NCBP2: variants seen among roughly 807,000 people sequenced by gnomAD.
NCBP2 encodes the protein nuclear cap-binding protein subunit 2.
Under a neutral mutation model 21.5 loss-of-function variants are expected in NCBP2, and 8 were observed. The ratio of observed to expected loss-of-function variants is 0.37; its 90% confidence interval spans 0.22 to 0.67. The LOEUF (loss-of-function observed/expected upper bound fraction) is 0.67, where lower values mean the gene tolerates loss of function less well. NCBP2 is among the 30% of genes least tolerant of loss of function. The pLI is 0.56. For synonymous variants in NCBP2, 92 were observed against 75.8 expected (o/e 1.21, Z -1.11); for missense variants, 127 against 206.9 (o/e 0.61, Z 2.37).
intron 1 of NCBP2, chr3:196,941,837 C>T: frequency 8.6e-6 from 12 of 1,395,272 alleles, no homozygotes; most frequent in Non-Finnish European, 9.8e-6. Flanking sequence ...ATCTTTACAT[C>T]CGAACACCCT....
At chr3:196,942,070 A>G in intron 1 of NCBP2, 1 of 1,525,106 alleles carries the variant, frequency 6.6e-7, no homozygotes, top group Non-Finnish European at 8.8e-7. Context: ...ACTCTGGGAG[A>G]GAGAAGGGCA....
intron 1 of NCBP2, 72 bp downstream of exon 1, chr3:196,942,354 T>C (rs570270487): frequency 1.1e-5 from 17 of 1,564,646 alleles, no homozygotes; most frequent in African/African-American, 2.7e-5. Flanking sequence ...GGCGACACAA[T>C]GAGACAAGAG....
In NCBP2 at chr3:196,939,474, C is replaced by A. The variant is rs116410462; in HGVS notation, c.79-42G>T. On this transcript the variant is annotated intron_variant, in intron 1 of 3. Transcript: ENST00000321256. ...AGACAAAAGTTAAGCAACTTCAGAG[C>A]CTTGCTTAAATAGTATTTCTAAGTA... 2.9e-6 allele frequency: 4 copies of A among 1,397,064 alleles called. 1 individual carries two copies. In the South Asian group the frequency reaches 3.9e-5, roughly 14 times the overall value. The allele number at this position is 1,397,064 out of a possible 1,614,324, so 86.5% of individuals were successfully genotyped here. A position where few individuals can be genotyped will look rare whatever the true frequency, so the allele number is the denominator to read the frequency against.
chr3:196,940,426 G>C (rs527776439), intron 1 of NCBP2, among the ~76,000 whole-genome samples: 1 of 151,738 alleles, frequency 6.6e-6, no homozygotes, highest in Non-Finnish European at 1.5e-5. Flanking sequence ...AGAGGTTTTC[G>C]GAACTTTGGA....
At chr3:196,939,828 CAG>C (rs370571676) in intron 1 of NCBP2, 2,600 of 163,390 alleles carry the variant, frequency 0.016, 57 homozygotes, top group African/African-American at 0.053. Context: ...AGTGGGTTTT[CAG>C]AGAGAGAGAG....
chr3:196,941,241 T>TGA (rs1716543280), intron 1 of NCBP2: 1 of 152,088 alleles, frequency 6.6e-6, no homozygotes, highest in African/African-American at 2.4e-5. Flanking sequence ...TACAAGCGCC[T>TGA]GCCACCACGC....
At chr3:196,937,875 T>G in intron 2 of NCBP2, 1 of 541,972 alleles carries the variant, frequency 1.8e-6, no homozygotes, top group Non-Finnish European at 3.3e-6. Context: ...TGGACATTCC[T>G]GTTGATAATT....
At position 196,942,313 on chromosome 3, in the gene NCBP2, C is replaced by A. The variant is rs566413787; in HGVS notation, c.78+113G>T. ...CTCGCCAGCAGGCACCGGGGCCCCA[C>A]TTGGCGTTTGCGGATTTCAGCTGAA... is the stretch of plus-strand genomic sequence containing the variant. On this transcript the variant is annotated intron_variant, in intron 1 of 3. Coordinates refer to ENST00000321256, the MANE Select transcript of NCBP2 (RefSeq NM_007362.5). 5.9e-6 allele frequency: 9 copies of A among 1,532,448 alleles called. No individual in the cohort carries two copies. In the Admixed American group the frequency reaches 1.8e-4, roughly 30 times the overall value. 94.9% of individuals were successfully genotyped at this position (1,532,448 alleles called of 1,614,324 possible).
rs1415282711 is a variant in NCBP2 at position 196,935,970 on chromosome 3, T to C, written c.*1041A>G. The C allele has an allele frequency of 6.6e-6, 1 of 152,204 alleles. No homozygotes were observed. Among genetic ancestry groups the C allele is most frequent in the Admixed American group, 6.5e-5 (1 of 15,274 alleles). 9.4% of individuals were successfully genotyped at this position (152,204 alleles called of 1,614,324 possible). On this transcript the variant is annotated 3_prime_UTR_variant, in exon 4 of 4. Transcript: ENST00000321256. The stretch of plus-strand genomic sequence containing the variant: ...AAAGAGGCATCTGCTGCAGGAACCT[T>C]CTGTGACTGTCAAACATTCCCTCTT...
chr3:196,939,611 G>A (rs1447766993), intron 1 of NCBP2, among the ~76,000 whole-genome samples, 179 bp from the exon 2 acceptor site: 3 of 152,146 alleles, frequency 2.0e-5, no homozygotes, highest in Non-Finnish European at 4.4e-5. Context: ...GCACTTATGC[G>A]AAGTCCAGAC....
chr3:196,942,103 C>A (rs1455473069), intron 1 of NCBP2: 6 of 1,486,890 alleles, frequency 4.0e-6, no homozygotes, highest in South Asian at 1.3e-5. Context: ...GCTACGTAGT[C>A]GTCTGCGGAG....
Position 196,942,505 on chromosome 3 carries a change from G to C in NCBP2, c.-2C>G, listed in dbSNP as rs752643820. 3 of 1,612,086 alleles carry C rather than the reference G, an allele frequency of 1.9e-6. No individual in the cohort carries two copies. The highest frequency in any genetic ancestry group is 1.3e-5 in the African/African-American group (1 of 75,020). On this transcript the variant is annotated 5_prime_UTR_variant, in exon 1 of 4. Transcript: ENST00000321256. Reference sequence around the variant, plus strand: ...CGCCTTCAGGAGGCCACCCGACATAGTGCAGAGAAGCGGACCACAATGCGG... The same window carrying C: ...CGCCTTCAGGAGGCCACCCGACATACTGCAGAGAAGCGGACCACAATGCGG...
At chr3:196,942,127 A>G in intron 1 of NCBP2, 1 of 1,467,508 alleles carries the variant, frequency 6.8e-7, no homozygotes, top group East Asian at 2.5e-5. Context: ...CAACCGTGGA[A>G]ACGGGAGCCG....
At chr3:196,937,182 GCCACAATGTGAACATTT>G (rs1385572749) in intron 3 of NCBP2, 100 bp from the exon 4 acceptor site, 2 of 1,133,094 alleles carry the variant, frequency 1.8e-6, no homozygotes, top group Non-Finnish European at 2.7e-6. Context: ...CTGTTCAGAT[GCCACAATGTGAACATTT>G]CAAGCAGGAC....
intron 1 of NCBP2, chr3:196,941,660 G>T (rs1211615690): frequency 4.0e-5 from 22 of 553,980 alleles, no homozygotes; most frequent in Non-Finnish European, 6.7e-5. Flanking sequence ...CTAAATAATT[G>T]GGTTAATGAG....
In NCBP2 at chr3:196,935,613, C is replaced by A. The variant is rs747689455; in HGVS notation, c.*1398G>T. On this transcript the variant is annotated 3_prime_UTR_variant, in exon 4 of 4. Coordinates refer to ENST00000321256, the MANE Select transcript of NCBP2 (RefSeq NM_007362.5). The stretch of plus-strand genomic sequence containing the variant: ...CCTAAGCACTTACAACTAGTTACAG[C>A]TCTTTTAAAAATTCAGATTTCTACA... The A allele has an allele frequency of 3.9e-5, 6 of 152,138 alleles. No individual in the cohort carries two copies. The highest frequency in any genetic ancestry group is 7.3e-5 in the Non-Finnish European group (5 of 68,028). 9.4% of individuals were successfully genotyped at this position (152,138 alleles called of 1,614,324 possible).
intron 2 of NCBP2, chr3:196,938,263 C>T (rs901890479): frequency 2.0e-5 from 3 of 152,148 alleles, no homozygotes; most frequent in African/African-American, 7.2e-5. Context: ...TGTGTATCCC[C>T]GAGGCAAGCC....
intron 1 of NCBP2, chr3:196,942,098 G>C (rs1453148633): frequency 6.7e-7 from 1 of 1,491,798 alleles, no homozygotes; most frequent in African/African-American, 1.4e-5. Flanking sequence ...CCCTTGCTAC[G>C]TAGTCGTCTG....
chr3:196,937,397 A>C, intron 3 of NCBP2, 113 bp downstream of exon 3: 1 of 1,492,722 alleles, frequency 6.7e-7, no homozygotes, highest in Admixed American at 2.1e-5. Flanking sequence ...ACTTCAAGCC[A>C]AGGTTATAGA....
Sources: allele counts gnomAD v4.1 joint callset (sites outside exome capture counted in the v4.1 genomes callset), GRCh38; gene constraint gnomAD v4.1.1; transcripts MANE v1.5; gene names NCBI Gene and HGNC (gene_info 2026-07-23, HGNC 2026-07-21).